FDFT1: variants seen among roughly 807,000 people sequenced by gnomAD.
The protein encoded by FDFT1 is farnesyl-diphosphate farnesyltransferase 1, also known as squalene synthase.
FDFT1 carries 68 observed loss-of-function variants against 46.8 expected under a neutral mutation model. That is an observed-to-expected ratio of 1.45 (90% CI 1.19 to 1.78). The LOEUF (loss-of-function observed/expected upper bound fraction) is 1.78. Among genes scored for constraint, FDFT1 ranks in the 40% most tolerant of loss-of-function variants. FDFT1 has a pLI of 0.00. For missense variants in FDFT1, 928 were observed against 524.4 expected, an observed-to-expected ratio of 1.77 and a Z score of -7.52; for synonymous variants, 351 against 185.1, an observed-to-expected ratio of 1.90 and a Z score of -7.28.
chr8:11,828,955 T>G (rs538989104), intron 5 of FDFT1, among the ~76,000 whole-genome samples: 51 of 152,344 alleles, frequency 3.3e-4, no homozygotes, highest in African/African-American at 1.2e-3. Context: ...TGGTGAATAG[T>G]ACTGTGTACA....
upstream of FDFT1, among the ~76,000 whole-genome samples, chr8:11,800,916 C>T (rs1200575815): frequency 3.9e-5 from 6 of 152,046 alleles, no homozygotes; most frequent in Non-Finnish European, 4.4e-5. Context: ...GAGGGCTGTC[C>T]AGTGGTAGGG....
At chr8:11,832,232 C>T (rs1202241718) in intron 7 of FDFT1, among the ~76,000 whole-genome samples, 1 of 148,994 alleles carries the variant, frequency 6.7e-6, no homozygotes, top group African/African-American at 2.5e-5. Flanking sequence ...CTTCTTAGGT[C>T]AAATCTCTAA....
chr8:11,832,186 C>A (rs564948925), intron 7 of FDFT1, among the ~76,000 whole-genome samples: 223 of 152,208 alleles, frequency 1.5e-3, no homozygotes, highest in Non-Finnish European at 2.5e-3. Flanking sequence ...AATTTCATTT[C>A]AAATACCAAA....
intron 1 of FDFT1, among the ~76,000 whole-genome samples, chr8:11,806,436 T>C (rs1364135639): frequency 6.6e-6 from 1 of 152,118 alleles, no homozygotes; most frequent in Non-Finnish European, 1.5e-5. Context: ...GGTAAGGGAC[T>C]GAAACAAATA....
intron 5 of FDFT1, among the ~76,000 whole-genome samples, chr8:11,829,464 G>A (rs1465943285): frequency 6.6e-6 from 1 of 152,200 alleles, no homozygotes; most frequent in Non-Finnish European, 1.5e-5. Context: ...TCATTTCCCA[G>A]CTATGCCTTT....
At chr8:11,808,750 G>T (rs755064557) in intron 1 of FDFT1, 44 bp from the exon 2 acceptor site, 3 of 1,555,060 alleles carry the variant, frequency 1.9e-6, no homozygotes, top group Non-Finnish European at 1.8e-6. Flanking sequence ...TCCCACTCCT[G>T]CTCCTCGACG....
At position 11,813,358 on chromosome 8, in the gene FDFT1, T is replaced by C. The variant is rs1438409521; in HGVS notation, c.381+3508T>C. ...AATAGTGTTCACTTATTGAGCATTT[T>C]ACTATGAGTTACTTACTAAATATAT... On this transcript the variant is annotated intron_variant, in intron 3 of 7. Coordinates refer to ENST00000220584, the MANE Select transcript of FDFT1 (RefSeq NM_004462.5). Among the ~76,000 whole-genome samples, 3 of 152,242 alleles carry C rather than the reference T, an allele frequency of 2.0e-5. No homozygotes were observed. The East Asian group carries it at 5.8e-4, about 29-fold the overall frequency.
rs1320525110 is a variant in FDFT1 at position 11,803,537 on chromosome 8, T to C, written c.99+606T>C. On this transcript the variant is annotated intron_variant, in intron 1 of 7. Coordinates refer to ENST00000220584, the MANE Select transcript of FDFT1 (RefSeq NM_004462.5). ...GTGGAAGGTCAGAACTTGGTTTTACTTAGATTTTTATCTGCCTCATGCCTG... is the reference window on the plus strand; with the variant it reads ...GTGGAAGGTCAGAACTTGGTTTTACCTAGATTTTTATCTGCCTCATGCCTG... 30 of 1,167,406 alleles carry C rather than the reference T, an allele frequency of 2.6e-5. No homozygotes were observed. In the South Asian group the frequency reaches 4.5e-4, roughly 17 times the overall value. 72.3% of individuals were successfully genotyped at this position (1,167,406 alleles called of 1,614,324 possible).
At chr8:11,809,087 G>C in intron 2 of FDFT1, 196 bp downstream of exon 2, 9 of 1,273,416 alleles carry the variant, frequency 7.1e-6, no homozygotes, top group Non-Finnish European at 9.1e-6. Context: ...AGTCCCTGCG[G>C]GCCCAGCCTT....
chr8:11,800,694 T>A (rs1426407247), upstream of FDFT1, among the ~76,000 whole-genome samples: 1 of 152,188 alleles, frequency 6.6e-6, no homozygotes, highest in African/African-American at 2.4e-5. Context: ...ATGAAGTACA[T>A]TGATTTCTTT....
In FDFT1 at chr8:11,832,576, A is replaced by AAT. The variant is rs139242873; in HGVS notation, c.1032+906_1032+907insAT. Among the ~76,000 whole-genome samples, 148 of 134,862 alleles carry AAT rather than the reference A, an allele frequency of 1.1e-3. 4 individuals carry two copies. Among genetic ancestry groups the AAT allele is most frequent in the African/African-American group, 3.7e-3 (128 of 34,598 alleles). 88.5% of individuals were successfully genotyped at this position (134,862 alleles called of 152,430 possible). ...CAAAAAAAAAAAAAAAAAAAAAAAAAGTCTTAGAGACCAGAAGTCTTTGTA... is the reference window on the plus strand; with the variant it reads ...CAAAAAAAAAAAAAAAAAAAAAAAAAATGTCTTAGAGACCAGAAGTCTTTGTA... On this transcript the variant is annotated intron_variant, in intron 7 of 7. Coordinates refer to ENST00000220584, the MANE Select transcript of FDFT1 (RefSeq NM_004462.5).
Position 11,836,608 on chromosome 8 carries a change from A to ATGCAAGCT in FDFT1, c.1033-1778_1033-1771dup, listed in dbSNP as rs1416101481. 9.2e-5 allele frequency among the ~76,000 whole-genome samples: 14 copies of ATGCAAGCT among 152,274 alleles called. No homozygotes were observed. The South Asian group carries it at 1.0e-3, about 11-fold the overall frequency. Reference sequence around the variant, plus strand: ...CACTCGTTTCCAAATAAATGGCTGCATGCAAGCTTTTGCCTCAGGTTCTGC... The same window carrying ATGCAAGCT: ...CACTCGTTTCCAAATAAATGGCTGCATGCAAGCTTGCAAGCTTTTGCCTCAGGTTCTGC... On this transcript the variant is annotated intron_variant, in intron 7 of 7. Transcript: ENST00000220584.
At chr8:11,796,979 T>C (rs2088347) in intron 1 of FDFT1, among the ~76,000 whole-genome samples, 148,333 of 152,368 alleles carry the variant, frequency 0.97, 72,321 homozygotes, top group South Asian at 1. Context: ...CAGATCTATA[T>C]CTACTTTTAA....
chr8:11,821,146 T>G (rs1267085185), intron 3 of FDFT1, among the ~76,000 whole-genome samples: 1 of 152,228 alleles, frequency 6.6e-6, no homozygotes, highest in Non-Finnish European at 1.5e-5. Context: ...CAAGCTGTTC[T>G]CCCAAAAACT....
intron 3 of FDFT1, among the ~76,000 whole-genome samples, chr8:11,819,078 T>A (rs1286523351): frequency 6.6e-6 from 1 of 152,204 alleles, no homozygotes. Context: ...CATTTGCTTG[T>A]CTGTAAAGGA....
chr8:11,815,192 A>G (rs1366023966), intron 3 of FDFT1, among the ~76,000 whole-genome samples: 1 of 152,224 alleles, frequency 6.6e-6, no homozygotes, highest in Non-Finnish European at 1.5e-5. Context: ...TGCAAAGGAC[A>G]TGAACTCATC....
chr8:11,806,087 G>GT (rs1262564900), intron 1 of FDFT1, among the ~76,000 whole-genome samples: 4 of 152,158 alleles, frequency 2.6e-5, no homozygotes, highest in Non-Finnish European at 5.9e-5. Context: ...TGGAGGGCTG[G>GT]TAGCTGGTAG....
chr8:11,806,537 A>AGG (rs1190282597), intron 1 of FDFT1, among the ~76,000 whole-genome samples: 2 of 152,086 alleles, frequency 1.3e-5, no homozygotes, highest in South Asian at 2.1e-4. Flanking sequence ...TATGGAAAGG[A>AGG]GGGGTAGTGT....
intron 1 of FDFT1, chr8:11,808,567 C>T: frequency 1.5e-6 from 2 of 1,377,172 alleles, no homozygotes; most frequent in Non-Finnish European, 1.9e-6. Flanking sequence ...TTCAAGCGCA[C>T]CTTGGTGCTG....
Sources: allele counts gnomAD v4.1 joint callset (sites outside exome capture counted in the v4.1 genomes callset), GRCh38; gene constraint gnomAD v4.1.1; transcripts MANE v1.5; gene names NCBI Gene and HGNC (gene_info 2026-07-23, HGNC 2026-07-21).